Variants in SEZ6L observed in about 807,000 individuals in gnomAD.
SEZ6L encodes seizure related 6 homolog like.
Under a neutral mutation model 106.2 loss-of-function variants are expected in SEZ6L, and 37 were observed. The observed-to-expected ratio is 0.35, with a 90% CI of 0.27 to 0.46. The LOEUF (loss-of-function observed/expected upper bound fraction) is 0.46, where lower values mean the gene tolerates loss of function less well. SEZ6L is among the 20% of genes least tolerant of loss of function. The pLI, the probability that SEZ6L is intolerant of heterozygous loss-of-function variation, is 1.00. For synonymous variants in SEZ6L, 541 were observed against 570.4 expected (o/e 0.95, Z 0.73); for missense variants, 1,172 against 1,332.8 (o/e 0.88, Z 1.88).
chr22:26,361,958 T>C (rs948272006), intron 12 of SEZ6L, among the ~76,000 whole-genome samples: 5 of 152,098 alleles, frequency 3.3e-5, no homozygotes, highest in African/African-American at 1.2e-4. Flanking sequence ...CATTAGAATA[T>C]GATTGGCACT....
chr22:26,344,147 A>T (rs2082934938), intron 10 of SEZ6L, among the ~76,000 whole-genome samples: 1 of 152,234 alleles, frequency 6.6e-6, no homozygotes. Flanking sequence ...GCCTAAGCCC[A>T]GCTCTGGAAG....
intron 1 of SEZ6L, among the ~76,000 whole-genome samples, chr22:26,278,987 A>AGGGACGAAGGGAGGGAGGGAGGGAGGAG (rs1291165877): frequency 1.9e-5 from 2 of 106,606 alleles, no homozygotes; most frequent in African/African-American, 4.8e-5. Flanking sequence ...GGAGGGAGGG[A>AGGGACGAAGGGAGGGAGGGAGGGAGGAG]GGAAGGAAGG....
intron 1 of SEZ6L, among the ~76,000 whole-genome samples, chr22:26,244,183 GAA>G (rs796379246): frequency 8.0e-4 from 121 of 151,786 alleles, no homozygotes; most frequent in African/African-American, 2.7e-3. Context: ...AAGAAAGAAA[GAA>G]AAGAGTAGAA....
intron 1 of SEZ6L, among the ~76,000 whole-genome samples, chr22:26,186,882 A>G (rs1183189863): frequency 6.6e-6 from 1 of 152,118 alleles, no homozygotes; most frequent in African/African-American, 2.4e-5. Flanking sequence ...GCTTAGGAGC[A>G]CGGGAGGGGA....
At chr22:26,171,078 T>A (rs541754183) in intron 1 of SEZ6L, among the ~76,000 whole-genome samples, 1 of 152,118 alleles carries the variant, frequency 6.6e-6, no homozygotes, top group East Asian at 1.9e-4. Context: ...TCAGCATAAA[T>A]CAGGCATTTT....
At chr22:26,207,727 T>G (rs556302608) in intron 1 of SEZ6L, among the ~76,000 whole-genome samples, 2 of 152,182 alleles carry the variant, frequency 1.3e-5, no homozygotes, top group Non-Finnish European at 2.9e-5. Flanking sequence ...ACATTATATA[T>G]CCTTAACTTT....
intron 9 of SEZ6L, among the ~76,000 whole-genome samples, chr22:26,333,276 C>T (rs553710568): frequency 2.6e-5 from 4 of 152,190 alleles, no homozygotes; most frequent in African/African-American, 9.7e-5. Context: ...GCCTCTCAGG[C>T]ATGCAGGGTG....
chr22:26,292,545 AGTGCTGGGCGAGCTG>A lies in SEZ6L; in HGVS notation c.242_256del (p.Gly81_Leu85del). The A allele has an allele frequency of 6.2e-7, 1 of 1,613,862 alleles. No homozygotes were observed. The highest frequency in any genetic ancestry group is 8.5e-7 in the Non-Finnish European group (1 of 1,179,876). Reference sequence around the variant, plus strand: ...CCCCCAGTTCCTCACAGTCGGCGGAAGTGCTGGGCGAGCTGGTGCTGGATGGGACCGCACCCTCTG... The same window carrying A: ...CCCCCAGTTCCTCACAGTCGGCGGAAGTGCTGGATGGGACCGCACCCTCTG... On this transcript the variant is annotated inframe_deletion, in exon 2 of 17. Transcript: ENST00000248933.
rs867509760 is a variant in SEZ6L at position 26,379,660 on chromosome 22, G to A, written c.3046-606G>A. ...TCAAACTACCCCCCATGTTGTAGTC[G>A]TTTCACATGGCAATGGTAGATCAGG... On this transcript the variant is annotated intron_variant, in intron 16 of 16. Coordinates refer to ENST00000248933, the MANE Select transcript of SEZ6L (RefSeq NM_021115.5). Among the ~76,000 whole-genome samples the A allele has an allele frequency of 4.6e-5, 7 of 152,256 alleles. No homozygotes were observed. In the Middle Eastern group the frequency reaches 0.01, roughly 222 times the overall value.
intron 1 of SEZ6L, among the ~76,000 whole-genome samples, chr22:26,249,606 C>T (rs553868153): frequency 1.2e-4 from 18 of 152,216 alleles, no homozygotes; most frequent in Non-Finnish European, 2.1e-4. Flanking sequence ...GATTTCTTCT[C>T]TTGGCTATTG....
Position 26,296,981 on chromosome 22 carries a change from G to A in SEZ6L, c.1063G>A (p.Val355Met). Residue 355 changes from valine (V) to methionine (M), a missense_variant, in exon 4 of 17, where the codon GTG becomes ATG. This residue lies in a region of SEZ6L where 534 missense variants were observed against 691.0 expected (regional missense o/e 0.77). Transcript: ENST00000248933. ...CGTCCTGGCCAACCAGACACTCCTGGTGGAGGGGCAGGTAATCCGAAGCCC... is the reference window on the plus strand; with the variant it reads ...CGTCCTGGCCAACCAGACACTCCTGATGGAGGGGCAGGTAATCCGAAGCCC... ...LTVLANQTLLVEGQVIRSPTN... is the reference protein window; with the variant it reads ...LTVLANQTLLMEGQVIRSPTN... 6.2e-7 allele frequency: 1 copy of A among 1,614,128 alleles called. No individual in the cohort carries two copies.
chr22:26,243,970 C>T (rs1459590725), intron 1 of SEZ6L, among the ~76,000 whole-genome samples: 1 of 152,094 alleles, frequency 6.6e-6, no homozygotes, highest in African/African-American at 2.4e-5. Flanking sequence ...CGAGACCAGC[C>T]TGGGCAACAT....
chr22:26,214,011 C>T (rs550052160), intron 1 of SEZ6L, among the ~76,000 whole-genome samples: 57 of 152,244 alleles, frequency 3.7e-4, no homozygotes, highest in Non-Finnish European at 6.9e-4. Context: ...CAGGGCAGTA[C>T]AAGGACTTCC....
chr22:26,285,314 G>A (rs766049245), intron 1 of SEZ6L, among the ~76,000 whole-genome samples: 4 of 152,260 alleles, frequency 2.6e-5, no homozygotes, highest in African/African-American at 4.8e-5. Context: ...ACGGAAACTC[G>A]GCTCTTGCTA....
intron 1 of SEZ6L, 87 bp from the exon 2 acceptor site, chr22:26,292,319 C>T: frequency 1.8e-6 from 2 of 1,096,456 alleles, no homozygotes; most frequent in Middle Eastern, 2.0e-4. Flanking sequence ...TGGGCACCGC[C>T]CTTAGGAGGG....
In SEZ6L at chr22:26,208,848, C is replaced by CTG. The variant is rs1342745824; in HGVS notation, c.94+39086_94+39087insGT. On this transcript the variant is annotated intron_variant, in intron 1 of 16. Transcript: ENST00000248933. The stretch of plus-strand genomic sequence containing the variant: ...GTTTTTTTCTACTTCTTGACTCTCT[C>CTG]TCTGTGTGTGTGTGTGTGTGTGTGT... 2.5e-3 allele frequency among the ~76,000 whole-genome samples: 266 copies of CTG among 106,854 alleles called. 2 individuals carry two copies. Among genetic ancestry groups the CTG allele is most frequent in the Middle Eastern group, 0.014 (3 of 214 alleles). The allele number at this position is 106,854 out of a possible 152,430, so 70.1% of individuals were successfully genotyped here.
chr22:26,297,001 A>G lies in SEZ6L; in HGVS notation c.1083A>G (p.Arg361=). 6.2e-7 allele frequency: 1 copy of G among 1,614,110 alleles called. No homozygotes were observed. The highest frequency in any genetic ancestry group is 8.5e-7 in the Non-Finnish European group (1 of 1,180,000). Residue 361 remains arginine (R), a synonymous_variant, in exon 4 of 17, where the codon CGA becomes CGG. Coordinates refer to ENST00000248933, the MANE Select transcript of SEZ6L (RefSeq NM_021115.5). The part of the protein sequence containing the change: ...QTLLVEGQVI[R]SPTNTISVYF... ...TCCTGGTGGAGGGGCAGGTAATCCG[A>G]AGCCCCACCAACACCATCTCCGTCT...
At chr22:26,365,740 G>A (rs1371973643) in intron 13 of SEZ6L, among the ~76,000 whole-genome samples, 174 bp downstream of exon 13, 2 of 151,882 alleles carry the variant, frequency 1.3e-5, no homozygotes, top group African/African-American at 2.4e-5. Flanking sequence ...CAGGCATGGC[G>A]GCACACACCT....
chr22:26,173,648 A>G (rs896227197), intron 1 of SEZ6L, among the ~76,000 whole-genome samples: 7 of 152,244 alleles, frequency 4.6e-5, no homozygotes, highest in African/African-American at 7.2e-5. Context: ...TCAACCTGCT[A>G]TAACAAAAAT....
Sources: allele counts gnomAD v4.1 joint callset (sites outside exome capture counted in the v4.1 genomes callset), GRCh38; gene constraint gnomAD v4.1.1; regional missense constraint gnomAD v4.1.1; transcripts MANE v1.5; gene names NCBI Gene and HGNC (gene_info 2026-07-23, HGNC 2026-07-21).